Variants in GALNT13 observed in about 807,000 individuals in gnomAD.
GALNT13 encodes the protein UDP-GalNAc:polypeptide N-acetylgalactosaminyltransferase 13.
Under a neutral mutation model 64.2 loss-of-function variants are expected in GALNT13, and 28 were observed. That is an observed-to-expected ratio of 0.44 (90% CI 0.32 to 0.60). The LOEUF (loss-of-function observed/expected upper bound fraction) is 0.60. Among genes scored for constraint, GALNT13 ranks in the 20% least tolerant of loss-of-function variants. The pLI, the probability that GALNT13 is intolerant of heterozygous loss-of-function variation, is 0.05. For synonymous variants in GALNT13, 214 were observed against 224.6 expected (o/e 0.95, Z 0.42); for missense variants, 577 against 669.8 (o/e 0.86, Z 1.53).
At chr2:153,598,661 C>T in the GALNT13 span, among the ~76,000 whole-genome samples, 45,401 of 151,890 alleles carry the variant, frequency 0.3, 7,205 homozygotes, top group South Asian at 0.43. Context: ...GTACTACTGA[C>T]TGAATCAGAG....
At chr2:153,344,301 T>C in the GALNT13 span, among the ~76,000 whole-genome samples, 1 of 152,240 alleles carries the variant, frequency 6.6e-6, no homozygotes, top group Non-Finnish European at 1.5e-5. Context: ...CACACTGAAT[T>C]CACTTGTCAT....
chr2:153,701,985 T>C, the GALNT13 span, among the ~76,000 whole-genome samples: 172 of 152,272 alleles, frequency 1.1e-3, no homozygotes, highest in African/African-American at 3.9e-3. Context: ...ACTGGGTATA[T>C]ACCCAAGGGA....
the GALNT13 span, among the ~76,000 whole-genome samples, chr2:153,567,005 A>G: frequency 2.6e-4 from 40 of 152,204 alleles, no homozygotes; most frequent in Non-Finnish European, 4.6e-4. Flanking sequence ...TTCAAACTCC[A>G]TAACATAAAC....
intron 8 of GALNT13, among the ~76,000 whole-genome samples, chr2:154,298,698 G>GTATATATAATGTATATATAAATTA: frequency 8.9e-6 from 1 of 112,714 alleles, no homozygotes; most frequent in African/African-American, 3.5e-5. Context: ...TATATACATT[G>GTATATATAATGTATATATAAATTA]TATATACAAT....
chr2:153,722,140 A>G, the GALNT13 span, among the ~76,000 whole-genome samples: 1 of 147,258 alleles, frequency 6.8e-6, no homozygotes, highest in Admixed American at 6.8e-5. Flanking sequence ...ACTAGAACTC[A>G]GGATTAAGAA....
At chr2:153,495,131 T>G in the GALNT13 span, among the ~76,000 whole-genome samples, 2 of 152,258 alleles carry the variant, frequency 1.3e-5, no homozygotes, top group Non-Finnish European at 1.5e-5. Flanking sequence ...TGACTAAAAC[T>G]AAAAAGAATA....
At chr2:153,921,890 A>T (rs1226841904) in intron 2 of GALNT13, among the ~76,000 whole-genome samples, 2 of 152,150 alleles carry the variant, frequency 1.3e-5, no homozygotes, top group African/African-American at 4.8e-5. Flanking sequence ...AAGACTATGG[A>T]TGGCAAATAA....
chr2:153,647,864 T>G, the GALNT13 span, among the ~76,000 whole-genome samples: 1 of 152,238 alleles, frequency 6.6e-6, no homozygotes, highest in Non-Finnish European at 1.5e-5. Context: ...TTTTGGTTAC[T>G]GTAGCCTTGT....
At chr2:153,611,342 C>A in the GALNT13 span, among the ~76,000 whole-genome samples, 1 of 152,046 alleles carries the variant, frequency 6.6e-6, no homozygotes, top group African/African-American at 2.4e-5. Context: ...GCTCCAGGCC[C>A]CTGCCCCCCC....
the GALNT13 span, among the ~76,000 whole-genome samples, chr2:153,501,584 G>A: frequency 6.6e-6 from 1 of 151,942 alleles, no homozygotes; most frequent in Admixed American, 6.6e-5. Flanking sequence ...CACCTGTCTC[G>A]ACCACCCAAC....
chr2:153,818,782 A>G, the GALNT13 span, among the ~76,000 whole-genome samples: 382 of 152,224 alleles, frequency 2.5e-3, 1 homozygote, highest in Middle Eastern at 6.8e-3. Flanking sequence ...CAGCACAGCC[A>G]CCCTGCTCCA....
the GALNT13 span, among the ~76,000 whole-genome samples, chr2:153,285,325 G>C: frequency 2.0e-5 from 3 of 152,220 alleles, no homozygotes; most frequent in East Asian, 5.8e-4. Context: ...TAGGGATACA[G>C]AGCTAAACCA....
chr2:154,217,043 G>A (rs908188227), intron 4 of GALNT13, among the ~76,000 whole-genome samples: 12 of 150,754 alleles, frequency 8.0e-5, no homozygotes, highest in East Asian at 5.8e-4. Context: ...TCCTTCCGCC[G>A]CAGCTTCCAA....
At chr2:153,913,852 C>A (rs968179671) in intron 2 of GALNT13, among the ~76,000 whole-genome samples, 2 of 152,152 alleles carry the variant, frequency 1.3e-5, no homozygotes, top group African/African-American at 4.8e-5. Flanking sequence ...GGACTCCAGT[C>A]TTTCTGATGT....
intron 3 of GALNT13, among the ~76,000 whole-genome samples, chr2:153,984,366 G>A (rs1039416548): frequency 7.9e-5 from 12 of 151,762 alleles, no homozygotes; most frequent in Non-Finnish European, 1.5e-4. Context: ...ATATAGTAAA[G>A]GATACTAGCT....
the GALNT13 span, among the ~76,000 whole-genome samples, chr2:153,436,656 T>C: frequency 6.6e-6 from 1 of 152,230 alleles, no homozygotes; most frequent in Non-Finnish European, 1.5e-5. Context: ...TTTGTATTTC[T>C]GTGGGATCGG....
At chr2:153,345,649 T>TTCTTTC in the GALNT13 span, among the ~76,000 whole-genome samples, 1 of 130,124 alleles carries the variant, frequency 7.7e-6, no homozygotes, top group African/African-American at 3.0e-5. Context: ...CTTTCTTTCT[T>TTCTTTC]TCTTTCTTTC....
the GALNT13 span, among the ~76,000 whole-genome samples, chr2:153,146,174 T>G: frequency 9.2e-5 from 14 of 151,390 alleles, no homozygotes; most frequent in Non-Finnish European, 1.9e-4. Context: ...ATGGAGGGTT[T>G]TTTTTTTTTT....
At chr2:153,532,047 A>G in the GALNT13 span, among the ~76,000 whole-genome samples, 1 of 152,078 alleles carries the variant, frequency 6.6e-6, no homozygotes, top group Non-Finnish European at 1.5e-5. Flanking sequence ...TTGTAGGACC[A>G]TGGCCTTCTT....
Sources: gnomAD v4.1 joint callset for allele counts (sites outside exome capture counted in the v4.1 genomes callset) on GRCh38, gnomAD v4.1.1 for gene constraint, MANE v1.5 for transcripts, NCBI Gene and HGNC (gene_info 2026-07-23, HGNC 2026-07-21) for gene names.